Variants in CACHD1 observed in about 807,000 individuals in gnomAD.
CACHD1 encodes VWFA and cache domain-containing protein 1.
In CACHD1, 71 loss-of-function variants were observed where a neutral mutation model predicts 138.7. That is an observed-to-expected ratio of 0.51 (90% CI 0.42 to 0.62). The LOEUF is 0.62. CACHD1 is among the 20% of genes least tolerant of loss of function. The pLI is 0.00. For missense variants in CACHD1, 1,389 were observed against 1,625.3 expected, an observed-to-expected ratio of 0.85 and a Z score of 2.50; for synonymous variants, 578 against 591.5, an observed-to-expected ratio of 0.98 and a Z score of 0.33.
intron 2 of CACHD1, among the ~76,000 whole-genome samples, chr1:64,568,544 C>G (rs1325546226): frequency 1.3e-5 from 2 of 152,154 alleles, no homozygotes; most frequent in South Asian, 2.1e-4. Flanking sequence ...TCCCCACCCC[C>G]CATTTGGGAT....
At chr1:64,564,704 A>G (rs1408688027) in intron 2 of CACHD1, among the ~76,000 whole-genome samples, 1 of 152,150 alleles carries the variant, frequency 6.6e-6, no homozygotes, top group East Asian at 1.9e-4. Context: ...TAAACTTTAA[A>G]AGGGGAATTT....
intron 5 of CACHD1, among the ~76,000 whole-genome samples, chr1:64,630,368 T>C (rs1648260092): frequency 6.6e-6 from 1 of 151,660 alleles, no homozygotes. Context: ...AATGGCACGA[T>C]CTCAGCTCTG....
chr1:64,563,335 C>T (rs1646856669), intron 2 of CACHD1, among the ~76,000 whole-genome samples: 1 of 152,110 alleles, frequency 6.6e-6, no homozygotes, highest in Non-Finnish European at 1.5e-5. Context: ...TGATACTTAG[C>T]AGGTATTAAT....
At chr1:64,564,364 T>C (rs1423714362) in intron 2 of CACHD1, among the ~76,000 whole-genome samples, 3 of 152,024 alleles carry the variant, frequency 2.0e-5, no homozygotes. Context: ...CCCCTCACCC[T>C]CCCATAACTT....
Position 64,494,929 on chromosome 1 carries a change from A to G in CACHD1, c.198+23987A>G, listed in dbSNP as rs189352370. On this transcript the variant is annotated intron_variant, in intron 1 of 26. Coordinates refer to ENST00000651257, the MANE Select transcript of CACHD1 (RefSeq NM_020925.4). ...AGCTTCTGCTTGAGCACTTAGGATT[A>G]TTACATTAATTGATTCAGCATTTAG... 2.6e-5 allele frequency among the ~76,000 whole-genome samples: 4 copies of G among 152,286 alleles called. No homozygotes were observed. The East Asian group carries it at 7.7e-4, about 29-fold the overall frequency.
intron 1 of CACHD1, among the ~76,000 whole-genome samples, chr1:64,486,577 C>G (rs1461075545): frequency 6.6e-6 from 1 of 151,864 alleles, no homozygotes; most frequent in Admixed American, 6.6e-5. Context: ...AAGTGTAATC[C>G]AGGGTGTATA....
At chr1:64,515,446 G>T (rs756135326) in intron 1 of CACHD1, among the ~76,000 whole-genome samples, 4 of 152,168 alleles carry the variant, frequency 2.6e-5, no homozygotes, top group African/African-American at 9.7e-5. Context: ...ATTTGTTCAG[G>T]TTCTTTAGAA....
chr1:64,504,592 C>T (rs1345326781), intron 1 of CACHD1, among the ~76,000 whole-genome samples: 2 of 152,042 alleles, frequency 1.3e-5, no homozygotes, highest in Admixed American at 6.6e-5. Flanking sequence ...ATTTTGCTTT[C>T]CTAAGCAAGG....
rs1351349126 is a variant in CACHD1, at chr1:64,585,844, CT to C, written c.410+3544del. On this transcript the variant is annotated intron_variant, in intron 3 of 26. Coordinates refer to ENST00000651257, the MANE Select transcript of CACHD1 (RefSeq NM_020925.4). ...TTTGGGAGTGAACCCTGAGCTGATA[CT>C]TTTCTAGACTTTGGTTGAACACAAG... 1.3e-5 allele frequency among the ~76,000 whole-genome samples: 2 copies of C among 152,198 alleles called. 1 individual carries two copies.
intron 25 of CACHD1, among the ~76,000 whole-genome samples, chr1:64,681,541 G>GGTTTTTTTTTTTTTTTTATTT (rs1553146851): frequency 1.5e-5 from 1 of 68,132 alleles, no homozygotes; most frequent in African/African-American, 7.3e-5. Flanking sequence ...ATTTTATTGT[G>GGTTTTTTTTTTTTTTTTATTT]TTTTTTTTTT....
chr1:64,576,326 T>C (rs1570382448), intron 2 of CACHD1, among the ~76,000 whole-genome samples: 2 of 152,180 alleles, frequency 1.3e-5, no homozygotes, highest in South Asian at 4.1e-4. Context: ...ACCCAGAATC[T>C]GTCTGGCTTT....
intron 1 of CACHD1, among the ~76,000 whole-genome samples, chr1:64,508,909 C>T (rs1043756882): frequency 2.0e-5 from 3 of 152,134 alleles, no homozygotes; most frequent in Non-Finnish European, 2.9e-5. Context: ...ATTTTCTTTT[C>T]TTTGGTGTCT....
intron 13 of CACHD1, among the ~76,000 whole-genome samples, chr1:64,660,671 C>T (rs376638722): frequency 6.6e-6 from 1 of 152,072 alleles, no homozygotes; most frequent in African/African-American, 2.4e-5. Context: ...GCTGGGATTA[C>T]AGTTGCGCAC....
intron 8 of CACHD1, among the ~76,000 whole-genome samples, chr1:64,643,628 A>T (rs1195335236): frequency 6.6e-6 from 1 of 152,170 alleles, no homozygotes; most frequent in Admixed American, 6.5e-5. Flanking sequence ...CGAGGTCAGG[A>T]GATCAAGACC....
At chr1:64,472,419 A>G (rs936613768) in intron 1 of CACHD1, among the ~76,000 whole-genome samples, 20 of 152,330 alleles carry the variant, frequency 1.3e-4, no homozygotes, top group Admixed American at 1.2e-3. Context: ...AAAGGGTGAC[A>G]TGAGGACTGA....
At position 64,684,872 on chromosome 1, in the gene CACHD1, C is replaced by T. The variant is rs565109430; in HGVS notation, c.3586+2766C>T. On this transcript the variant is annotated intron_variant, in intron 26 of 26. Coordinates refer to ENST00000651257, the MANE Select transcript of CACHD1 (RefSeq NM_020925.4). ...TCGCCCAGGCTGGAGTGCAATGGTGCGATCTCGGCTCACCACAACCTCCAC... is the reference window on the plus strand; with the variant it reads ...TCGCCCAGGCTGGAGTGCAATGGTGTGATCTCGGCTCACCACAACCTCCAC... Among the ~76,000 whole-genome samples the T allele has an allele frequency of 9.2e-5, 14 of 152,250 alleles. No homozygotes were observed. In the South Asian group the frequency reaches 2.3e-3, roughly 25 times the overall value.
chr1:64,649,895 G>C (rs1557539200), intron 9 of CACHD1, among the ~76,000 whole-genome samples: 1 of 152,082 alleles, frequency 6.6e-6, no homozygotes, highest in Non-Finnish European at 1.5e-5. Flanking sequence ...GAGTGTGTCT[G>C]TCTTTTCATC....
chr1:64,653,908 T>C (rs1649182895), intron 11 of CACHD1, 27 bp downstream of exon 11: 1 of 1,606,674 alleles, frequency 6.2e-7, no homozygotes, highest in African/African-American at 1.3e-5. Context: ...GGTCATAGGA[T>C]TGTTTTTCCC....
At chr1:64,600,647 G>A (rs1369788339) in intron 3 of CACHD1, among the ~76,000 whole-genome samples, 1 of 152,138 alleles carries the variant, frequency 6.6e-6, no homozygotes, top group Non-Finnish European at 1.5e-5. Context: ...ACAAGACATG[G>A]TGCTTCCCTT....
Sources: allele counts gnomAD v4.1 joint callset (sites outside exome capture counted in the v4.1 genomes callset), GRCh38; gene constraint gnomAD v4.1.1; transcripts MANE v1.5; gene names NCBI Gene and HGNC (gene_info 2026-07-23, HGNC 2026-07-21).